SPOCK1: variants seen among roughly 807,000 people sequenced by gnomAD.
SPOCK1 encodes the protein SPARC (osteonectin), cwcv and kazal like domains proteoglycan 1.
SPOCK1 carries 23 observed loss-of-function variants against 55.3 expected under a neutral mutation model. That is an observed-to-expected ratio of 0.42 (90% CI 0.30 to 0.59). The LOEUF (loss-of-function observed/expected upper bound fraction) is 0.59. Ranked by LOEUF, SPOCK1 falls within the 20% of genes least tolerant of loss-of-function variation. SPOCK1 has a pLI of 0.22. For missense variants in SPOCK1, 499 were observed against 552.5 expected, an observed-to-expected ratio of 0.90 and a Z score of 0.97; for synonymous variants, 226 against 221.0, an observed-to-expected ratio of 1.02 and a Z score of -0.20.
chr5:137,412,718 T>C (rs13186820), intron 2 of SPOCK1, among the ~76,000 whole-genome samples: 1 of 152,200 alleles, frequency 6.6e-6, no homozygotes, highest in Non-Finnish European at 1.5e-5. Flanking sequence ...GGGCCTGTGA[T>C]CCAAGGCAGG....
chr5:137,459,895 TC>T (rs1753444624), intron 2 of SPOCK1, among the ~76,000 whole-genome samples: 1 of 152,138 alleles, frequency 6.6e-6, no homozygotes, highest in African/African-American at 2.4e-5. Flanking sequence ...TTGAAGGTGT[TC>T]CTGGAGTGCT....
At chr5:137,176,502 A>ATGTG (rs10527760) in intron 3 of SPOCK1, among the ~76,000 whole-genome samples, 9,046 of 150,364 alleles carry the variant, frequency 0.06, 516 homozygotes, top group African/African-American at 0.15. Flanking sequence ...CCCCACCACA[A>ATGTG]TGTGTGTGTG....
chr5:137,488,356 G>A (rs1245277692), intron 2 of SPOCK1, among the ~76,000 whole-genome samples: 7 of 152,112 alleles, frequency 4.6e-5, no homozygotes, highest in Admixed American at 2.6e-4. Context: ...CAGCCTGGGC[G>A]ACAGAGCAAG....
Position 137,314,034 on chromosome 5 carries a change from T to A in SPOCK1, c.187-46979A>T, listed in dbSNP as rs75266484. ...CTCCCATCGTCCTCTCAGAGCTCCTTGTCTCTAGATCATCTCAATTCAGTT... is the reference window on the plus strand; with the variant it reads ...CTCCCATCGTCCTCTCAGAGCTCCTAGTCTCTAGATCATCTCAATTCAGTT... On this transcript the variant is annotated intron_variant, in intron 2 of 10. Coordinates refer to ENST00000394945, the MANE Select transcript of SPOCK1 (RefSeq NM_004598.4). Among the ~76,000 whole-genome samples the A allele has an allele frequency of 1.2e-3, 178 of 151,458 alleles. 1 individual carries two copies. Among genetic ancestry groups the A allele is most frequent in the African/African-American group, 4.1e-3 (170 of 41,322 alleles).
intron 2 of SPOCK1, among the ~76,000 whole-genome samples, chr5:137,369,461 C>T (rs1403376108): frequency 2.0e-5 from 3 of 152,066 alleles, no homozygotes; most frequent in Non-Finnish European, 2.9e-5. Context: ...TAAGCAAAAC[C>T]CCAACAGGCA....
At chr5:137,054,936 A>G (rs1201188144) in intron 6 of SPOCK1, among the ~76,000 whole-genome samples, 6 of 152,218 alleles carry the variant, frequency 3.9e-5, no homozygotes, top group Admixed American at 3.3e-4. Context: ...CATAAGGTCC[A>G]AAATGTAATA....
intron 2 of SPOCK1, among the ~76,000 whole-genome samples, chr5:137,361,543 A>C (rs557161799): frequency 6.6e-6 from 1 of 152,354 alleles, no homozygotes; most frequent in Admixed American, 6.5e-5. Flanking sequence ...TTATGGCATA[A>C]GTAAAAATGC....
Position 137,164,375 on chromosome 5 carries a change from C to T in SPOCK1, c.233-23681G>A, listed in dbSNP as rs560439182. 2.6e-5 allele frequency among the ~76,000 whole-genome samples: 4 copies of T among 152,210 alleles called. No individual in the cohort carries two copies. The South Asian group carries it at 8.3e-4, about 32-fold the overall frequency. ...AAACCCAGTGTCTTGAGGGGAAGGA[C>T]CCAGTCCTGGAAAGATCCAACACCT... On this transcript the variant is annotated intron_variant, in intron 3 of 10. Coordinates refer to ENST00000394945, the MANE Select transcript of SPOCK1 (RefSeq NM_004598.4).
At chr5:137,466,576 C>T (rs914490174) in intron 2 of SPOCK1, among the ~76,000 whole-genome samples, 2 of 152,220 alleles carry the variant, frequency 1.3e-5, no homozygotes, top group Admixed American at 1.3e-4. Flanking sequence ...CAGTGCTCTG[C>T]CAAGGCCTTA....
intron 5 of SPOCK1, among the ~76,000 whole-genome samples, chr5:137,103,355 T>A (rs1459874983): frequency 1.3e-5 from 2 of 152,236 alleles, no homozygotes; most frequent in Non-Finnish European, 2.9e-5. Flanking sequence ...AAAAACGACA[T>A]TCCCCAGCCT....
At chr5:137,077,548 AC>A (rs1752796309) in intron 5 of SPOCK1, among the ~76,000 whole-genome samples, 1 of 152,228 alleles carries the variant, frequency 6.6e-6, no homozygotes, top group Non-Finnish European at 1.5e-5. Flanking sequence ...AGCTAAGCCA[AC>A]TTACAGAAGT....
At position 137,168,449 on chromosome 5, in the gene SPOCK1, C is replaced by T. The variant is rs183813320; in HGVS notation, c.233-27755G>A. Reference sequence around the variant, plus strand: ...ATGGGAGAAAATATTTGCAAACTACCCATGTGATAAAGGGATTAATAACCA... The same window carrying T: ...ATGGGAGAAAATATTTGCAAACTACTCATGTGATAAAGGGATTAATAACCA... On this transcript the variant is annotated intron_variant, in intron 3 of 10. Coordinates refer to ENST00000394945, the MANE Select transcript of SPOCK1 (RefSeq NM_004598.4). Among the ~76,000 whole-genome samples the T allele has an allele frequency of 4.0e-3, 604 of 151,974 alleles. 6 individuals carry two copies. The highest frequency in any genetic ancestry group is 6.3e-3 in the Non-Finnish European group (425 of 67,910).
intron 2 of SPOCK1, among the ~76,000 whole-genome samples, chr5:137,394,236 G>A (rs887580314): frequency 1.3e-5 from 2 of 152,062 alleles, no homozygotes; most frequent in Non-Finnish European, 2.9e-5. Flanking sequence ...GTTTACTGGT[G>A]GATCTTTATC....
chr5:137,186,306 C>G (rs867463648), intron 3 of SPOCK1, among the ~76,000 whole-genome samples: 1 of 152,198 alleles, frequency 6.6e-6, no homozygotes, highest in Non-Finnish European at 1.5e-5. Flanking sequence ...GAGCAGAACA[C>G]TTTTATGAGC....
At chr5:136,985,821 A>AAGTT (rs1169991484) in intron 8 of SPOCK1, among the ~76,000 whole-genome samples, 1 of 152,188 alleles carries the variant, frequency 6.6e-6, no homozygotes, top group Non-Finnish European at 1.5e-5. Flanking sequence ...CATAGAAAAG[A>AAGTT]AGTTAGTTTC....
At chr5:137,054,499 G>A (rs558745686) in intron 6 of SPOCK1, among the ~76,000 whole-genome samples, 97 of 152,290 alleles carry the variant, frequency 6.4e-4, no homozygotes, top group African/African-American at 2.2e-3. Context: ...CAGCACATGT[G>A]GCAGAGGCCA....
Position 137,079,558 on chromosome 5 carries a change from T to C in SPOCK1, c.475-11729A>G, listed in dbSNP as rs6868158. Reference sequence around the variant, plus strand: ...TCCCCCCCCCCCCGACTTAGTGAAATGTCGTACCAAAGATCCCAAACTAAC... The same window carrying C: ...TCCCCCCCCCCCCGACTTAGTGAAACGTCGTACCAAAGATCCCAAACTAAC... On this transcript the variant is annotated intron_variant, in intron 5 of 10. Transcript: ENST00000394945. 3.9e-3 allele frequency among the ~76,000 whole-genome samples: 524 copies of C among 135,922 alleles called. 7 individuals are homozygous for C. Among genetic ancestry groups the C allele is most frequent in the African/African-American group, 0.014 (495 of 34,612 alleles). 89.2% of individuals were successfully genotyped at this position (135,922 alleles called of 152,430 possible).
At chr5:137,276,043 A>G (rs1757060568) in intron 2 of SPOCK1, among the ~76,000 whole-genome samples, 1 of 152,172 alleles carries the variant, frequency 6.6e-6, no homozygotes, top group African/African-American at 2.4e-5. Flanking sequence ...TTCTGGTCAC[A>G]TCACCCTCCT....
At chr5:137,114,983 C>T (rs1753549156) in intron 4 of SPOCK1, among the ~76,000 whole-genome samples, 1 of 152,182 alleles carries the variant, frequency 6.6e-6, no homozygotes, top group Non-Finnish European at 1.5e-5. Context: ...GAGACGTAAG[C>T]ACTGAACCAA....
Sources: allele counts gnomAD v4.1 joint callset (sites outside exome capture counted in the v4.1 genomes callset), GRCh38; gene constraint gnomAD v4.1.1; transcripts MANE v1.5; gene names NCBI Gene and HGNC (gene_info 2026-07-23, HGNC 2026-07-21).